Variants in PCED1B observed in about 807,000 individuals in gnomAD.
PCED1B encodes PC-esterase domain containing 1B.
For missense variants in PCED1B, 573 were observed against 573.9 expected, an observed-to-expected ratio of 1.00 and a Z score of 0.02; for synonymous variants, 251 against 246.1, an observed-to-expected ratio of 1.02 and a Z score of -0.19.
At chr12:47,161,210 G>A (rs184139902) in intron 2 of PCED1B, among the ~76,000 whole-genome samples, 1 of 152,246 alleles carries the variant, frequency 6.6e-6, no homozygotes, top group East Asian at 1.9e-4. Context: ...GACAATCTTT[G>A]ATCCATTTTT....
intron 2 of PCED1B, among the ~76,000 whole-genome samples, chr12:47,203,239 G>T (rs903686848): frequency 2.0e-5 from 3 of 151,558 alleles, no homozygotes; most frequent in African/African-American, 7.3e-5. Flanking sequence ...CAAAGTGCTG[G>T]GATTACAGGC....
chr12:47,190,118 T>C (rs1157388818), intron 2 of PCED1B, among the ~76,000 whole-genome samples: 1 of 152,232 alleles, frequency 6.6e-6, no homozygotes, highest in East Asian at 1.9e-4. Flanking sequence ...ATTTGCATAG[T>C]GTTTTGTTAT....
chr12:47,222,006 G>A (rs867211067), intron 3 of PCED1B, among the ~76,000 whole-genome samples: 1 of 151,722 alleles, frequency 6.6e-6, no homozygotes, highest in South Asian at 2.1e-4. Flanking sequence ...GGCAGGCTGA[G>A]GCAGAAGGAT....
intron 1 of PCED1B, among the ~76,000 whole-genome samples, chr12:47,101,500 T>C (rs559332413): frequency 6.6e-6 from 1 of 152,306 alleles, no homozygotes; most frequent in African/African-American, 2.4e-5. Context: ...TAACACAAAG[T>C]CTCCCCAATT....
chr12:47,230,117 ACT>A (rs1943758465), intron 3 of PCED1B, among the ~76,000 whole-genome samples: 1 of 96,318 alleles, frequency 1.0e-5, no homozygotes, highest in Non-Finnish European at 2.0e-5. Flanking sequence ...ACGGAGTCTC[ACT>A]CTGTCCCCAG....
At chr12:47,137,860 A>G (rs748028445) in intron 2 of PCED1B, among the ~76,000 whole-genome samples, 1 of 152,146 alleles carries the variant, frequency 6.6e-6, no homozygotes, top group Non-Finnish European at 1.5e-5. Flanking sequence ...GCTTCCAGAG[A>G]TGTTTACATT....
chr12:47,133,442 C>T (rs2137367534), intron 2 of PCED1B, among the ~76,000 whole-genome samples: 1 of 152,262 alleles, frequency 6.6e-6, no homozygotes, highest in Non-Finnish European at 1.5e-5. Flanking sequence ...TTCAGGTCAG[C>T]AATAATGATT....
In PCED1B at chr12:47,146,158, C is replaced by T. The variant is rs117038792; in HGVS notation, c.-526+41963C>T. Among the ~76,000 whole-genome samples, 755 of 152,198 alleles carry T rather than the reference C, an allele frequency of 5.0e-3. 11 individuals are homozygous for T. The highest frequency in any genetic ancestry group is 0.04 in the South Asian group (193 of 4,820). ...GTGGAGGAAGTAACTGCAGATGTAG[C>T]GCAAATAGCAATGCAACTAGAAATA... On this transcript the variant is annotated intron_variant, in intron 2 of 3. Transcript: ENST00000546455.
intron 2 of PCED1B, among the ~76,000 whole-genome samples, chr12:47,155,519 T>G (rs1410459613): frequency 6.6e-6 from 1 of 152,234 alleles, no homozygotes; most frequent in Non-Finnish European, 1.5e-5. Flanking sequence ...CCTGAATACA[T>G]AACAATAGCT....
chr12:47,102,486 G>C (rs1045204271), intron 1 of PCED1B, among the ~76,000 whole-genome samples: 1 of 152,178 alleles, frequency 6.6e-6, no homozygotes, highest in African/African-American at 2.4e-5. Flanking sequence ...AGTCTGCAAA[G>C]GGTCTTTGTG....
intron 2 of PCED1B, chr12:47,209,647 G>A (rs893171253): frequency 7.9e-5 from 12 of 152,174 alleles, no homozygotes; most frequent in African/African-American, 2.9e-4. Flanking sequence ...CATTGTTATT[G>A]AATACTGTTA....
chr12:47,143,391 CA>C (rs1940669978), intron 2 of PCED1B, among the ~76,000 whole-genome samples: 1 of 151,922 alleles, frequency 6.6e-6, no homozygotes, highest in Non-Finnish European at 1.5e-5. Flanking sequence ...AATTAACATA[CA>C]AAACTCAGCT....
At chr12:47,089,811 T>A (rs1210040369) in intron 1 of PCED1B, among the ~76,000 whole-genome samples, 2 of 151,624 alleles carry the variant, frequency 1.3e-5, no homozygotes, top group Non-Finnish European at 2.9e-5. Flanking sequence ...CCTTGCTGTG[T>A]CACCCAGGCT....
intron 1 of PCED1B, among the ~76,000 whole-genome samples, chr12:47,087,601 A>G (rs1038488601): frequency 2.6e-5 from 4 of 152,256 alleles, no homozygotes; most frequent in Non-Finnish European, 5.9e-5. Context: ...ATAGAATTCA[A>G]TTCCAAATTG....
At chr12:47,147,771 A>G (rs1262586322) in intron 2 of PCED1B, among the ~76,000 whole-genome samples, 2 of 152,152 alleles carry the variant, frequency 1.3e-5, no homozygotes, top group African/African-American at 4.8e-5. Context: ...CTAGTTCTGG[A>G]GTCTTCTAAG....
At chr12:47,153,355 CAAAAAA>C (rs11299918) in intron 2 of PCED1B, among the ~76,000 whole-genome samples, 1 of 95,272 alleles carries the variant, frequency 1.0e-5, no homozygotes, top group Non-Finnish European at 2.0e-5. Context: ...GACTCCTTCT[CAAAAAA>C]AAAAAAAAAA....
In PCED1B at chr12:47,089,458, ATACATATATATAT is replaced by A. The variant is rs1352467629; in HGVS notation, c.-609+9734_-609+9746del. 3.6e-4 allele frequency among the ~76,000 whole-genome samples: 17 copies of A among 46,804 alleles called. 2 individuals are homozygous for A. The highest frequency in any genetic ancestry group is 8.5e-3 in the Middle Eastern group (1 of 118). 30.7% of individuals were successfully genotyped at this position (46,804 alleles called of 152,430 possible). A position where few individuals can be genotyped will look rare whatever the true frequency, so the allele number is the denominator to read the frequency against. On this transcript the variant is annotated intron_variant, in intron 1 of 3. Coordinates refer to ENST00000546455, the MANE Select transcript of PCED1B (RefSeq NM_138371.3). The stretch of plus-strand genomic sequence containing the variant: ...CAAGACTCCATCTCAAAAAAAAAAA[ATACATATATATAT>A]ATATATATATATATATATATATGTA...
At chr12:47,195,658 G>T (rs1043724244) in intron 2 of PCED1B, among the ~76,000 whole-genome samples, 1 of 152,128 alleles carries the variant, frequency 6.6e-6, no homozygotes, top group African/African-American at 2.4e-5. Flanking sequence ...AAACAAGAAG[G>T]TTGCTCACAG....
At chr12:47,221,346 T>C (rs1352743437) in intron 3 of PCED1B, among the ~76,000 whole-genome samples, 1 of 150,174 alleles carries the variant, frequency 6.7e-6, no homozygotes, top group Non-Finnish European at 1.5e-5. Flanking sequence ...TTCTTTTTTT[T>C]TTTTTTTTTT....
Sources: allele counts gnomAD v4.1 joint callset (sites outside exome capture counted in the v4.1 genomes callset), GRCh38; gene constraint gnomAD v4.1.1; transcripts MANE v1.5; gene names NCBI Gene and HGNC (gene_info 2026-07-23, HGNC 2026-07-21).